The following CCDC30 variants were observed in gnomAD, a reference collection of about 807,000 sequenced individuals.
CCDC30 encodes coiled-coil domain-containing protein 30.
In CCDC30, 70 loss-of-function variants were observed where a neutral mutation model predicts 100.2. That is an observed-to-expected ratio of 0.70 (90% CI 0.58 to 0.85). CCDC30 has a LOEUF of 0.85. Among genes scored for constraint, CCDC30 ranks in the 40% least tolerant of loss-of-function variants. CCDC30 has a pLI of 0.00. For synonymous variants in CCDC30, 233 were observed against 269.5 expected (o/e 0.86, Z 1.33); for missense variants, 652 against 771.2 (o/e 0.85, Z 1.83).
chr1:42,547,521 G>A (rs939064985), intron 6 of CCDC30, among the ~76,000 whole-genome samples: 1 of 152,178 alleles, frequency 6.6e-6, no homozygotes, highest in Non-Finnish European at 1.5e-5. Flanking sequence ...GCCGTGGGGA[G>A]CAAGGATGTG....
intron 16 of CCDC30, among the ~76,000 whole-genome samples, 183 bp downstream of exon 20, chr1:42,653,626 A>T (rs1246929946): frequency 6.6e-6 from 1 of 152,194 alleles, no homozygotes; most frequent in Non-Finnish European, 1.5e-5. Flanking sequence ...CCACTCCTTC[A>T]ACTCTAAACC....
At chr1:42,492,133 TTCA>T (rs2148467961) in intron 4 of CCDC30, 1 of 273,356 alleles carries the variant, frequency 3.7e-6, no homozygotes, top group South Asian at 5.0e-5. Context: ...GGTTATTTGT[TTCA>T]TCTACTCTGT....
chr1:42,588,761 T>A (rs1646126344), intron 9 of CCDC30, among the ~76,000 whole-genome samples: 1 of 152,228 alleles, frequency 6.6e-6, no homozygotes, highest in Non-Finnish European at 1.5e-5. Flanking sequence ...TCTTCTAGCA[T>A]CTGCTGATCT....
At chr1:42,597,948 A>G (rs1237093009) in intron 10 of CCDC30, among the ~76,000 whole-genome samples, 3 of 151,828 alleles carry the variant, frequency 2.0e-5, no homozygotes, top group South Asian at 2.1e-4. Flanking sequence ...ACTTAAGGCC[A>G]GGAGTTCAAG....
At chr1:42,493,552 A>G (rs778676510) in intron 4 of CCDC30, among the ~76,000 whole-genome samples, 5 of 152,140 alleles carry the variant, frequency 3.3e-5, no homozygotes, top group Non-Finnish European at 7.4e-5. Context: ...GTGCCACTGC[A>G]CTCCAGCCTG....
At chr1:42,586,721 G>A (rs1383441642) in intron 9 of CCDC30, among the ~76,000 whole-genome samples, 1 of 151,990 alleles carries the variant, frequency 6.6e-6, no homozygotes, top group Non-Finnish European at 1.5e-5. Flanking sequence ...CTGAATCAAG[G>A]AACAGAAAAA....
intron 10 of CCDC30, among the ~76,000 whole-genome samples, chr1:42,606,252 C>T (rs904554849): frequency 6.6e-6 from 1 of 152,114 alleles, no homozygotes; most frequent in Non-Finnish European, 1.5e-5. Flanking sequence ...ATTTCATAGC[C>T]ACTGCATTTT....
At chr1:42,456,444 G>C in the CCDC30 span, 2 of 1,050,446 alleles carry the variant, frequency 1.9e-6, no homozygotes, top group Non-Finnish European at 1.3e-6. Context: ...TCGGGACCTA[G>C]TGTCAAAAGA....
At chr1:42,512,665 C>T (rs1298811211) in intron 6 of CCDC30, among the ~76,000 whole-genome samples, 1 of 151,988 alleles carries the variant, frequency 6.6e-6, no homozygotes, top group East Asian at 1.9e-4. Context: ...TCCTTTTTGC[C>T]AACACCCAGT....
exon 8 of CCDC30, chr1:42,577,091 A>G (rs1327233575): frequency 6.2e-7 from 1 of 1,614,146 alleles, no homozygotes; most frequent in African/African-American, 1.3e-5. Context: ...CACTCACGGC[A>G]GAGTACAAGC....
In CCDC30 at chr1:42,506,936, AT is replaced by A. The variant is rs35168048; in HGVS notation, c.456+8028del. 6.3e-3 allele frequency among the ~76,000 whole-genome samples: 950 copies of A among 151,950 alleles called. 8 individuals carry two copies. The highest frequency in any genetic ancestry group is 0.02 in the African/African-American group (838 of 41,454). ...CTTGCATTGGTTTAATGTTAACCCC[AT>A]TTTTTTTAGATGGAATTTTGCTCTT... is the stretch of plus-strand genomic sequence containing the variant. On this transcript the variant is annotated intron_variant, in intron 6 of 16. Transcript: ENST00000668663.
chr1:42,482,854 T>C, intron 3 of CCDC30, 38 bp downstream of exon 3: 1 of 1,210,344 alleles, frequency 8.3e-7, no homozygotes, highest in Non-Finnish European at 1.0e-6. Flanking sequence ...CCGATCATGC[T>C]TTAACTGTAC....
chr1:42,497,307 C>A, intron 5 of CCDC30, 94 bp downstream of exon 5: 1 of 689,930 alleles, frequency 1.4e-6, no homozygotes, highest in Non-Finnish European at 2.0e-6. Flanking sequence ...GTAAGTTGGT[C>A]TTTAGCAGGG....
At chr1:42,532,710 A>T (rs1032454254) in intron 6 of CCDC30, among the ~76,000 whole-genome samples, 2 of 152,202 alleles carry the variant, frequency 1.3e-5, no homozygotes, top group Admixed American at 1.3e-4. Context: ...GGTGCCGCCC[A>T]TATGGCTGGT....
At chr1:42,614,291 A>G (rs1646682837) in intron 11 of CCDC30, among the ~76,000 whole-genome samples, 1 of 151,752 alleles carries the variant, frequency 6.6e-6, no homozygotes, top group Non-Finnish European at 1.5e-5. Flanking sequence ...CGTGTTAGCC[A>G]GGATGGTCTC....
At chr1:42,629,360 G>A (rs1049578410) in intron 11 of CCDC30, among the ~76,000 whole-genome samples, 7 of 152,322 alleles carry the variant, frequency 4.6e-5, no homozygotes, top group Admixed American at 2.6e-4. Flanking sequence ...CTCTCTCGTG[G>A]CCTGTAAGGT....
chr1:42,477,576 A>G (rs1323379537), intron 1 of CCDC30, among the ~76,000 whole-genome samples: 1 of 152,222 alleles, frequency 6.6e-6, no homozygotes, highest in East Asian at 1.9e-4. Context: ...ATTATAATGC[A>G]AAAGTTCATA....
intron 10 of CCDC30, among the ~76,000 whole-genome samples, chr1:42,602,386 C>A (rs934421737): frequency 1.3e-5 from 2 of 151,778 alleles, no homozygotes; most frequent in Non-Finnish European, 1.5e-5. Context: ...ATTGATAGGC[C>A]TCTAGCCAGG....
chr1:42,489,336 C>A (rs961171131), intron 3 of CCDC30, among the ~76,000 whole-genome samples: 1 of 152,130 alleles, frequency 6.6e-6, no homozygotes, highest in African/African-American at 2.4e-5. Flanking sequence ...ATATATCTGG[C>A]ACTGGTAGTT....
Sources: allele counts gnomAD v4.1 joint callset (sites outside exome capture counted in the v4.1 genomes callset), GRCh38; gene constraint gnomAD v4.1.1; transcripts MANE v1.5; gene names NCBI Gene and HGNC (gene_info 2026-07-23, HGNC 2026-07-21).